CNGB1: variants seen among roughly 807,000 people sequenced by gnomAD.
The protein encoded by CNGB1 is cyclic nucleotide-gated channel beta-1.
CNGB1 carries 126 observed loss-of-function variants against 151.7 expected under a neutral mutation model. That is an observed-to-expected ratio of 0.83 (90% CI 0.72 to 0.96). CNGB1 has a LOEUF of 0.96. CNGB1 is among the 40% of genes least tolerant of loss of function. CNGB1 has a pLI of 0.00. For missense variants in CNGB1, 1,698 were observed against 1,627.0 expected (o/e 1.04, Z -0.75); for synonymous variants, 623 against 635.1 (o/e 0.98, Z 0.29).
At position 57,955,298 on chromosome 16, in the gene CNGB1, T is replaced by A. The variant is rs1487149325; in HGVS notation, c.874+2043A>T. The A allele has an allele frequency of 3.2e-6, 5 of 1,551,548 alleles. No homozygotes were observed. In the African/African-American group the frequency reaches 6.8e-5, roughly 21 times the overall value. On this transcript the variant is annotated intron_variant, in intron 12 of 32. Coordinates refer to ENST00000251102, the MANE Select transcript of CNGB1 (RefSeq NM_001297.5). ...TTCAGGGCATCCTTCTTTCCTTCCA[T>A]CCATGTGTCCATCTGAGCTCTCCCA...
In CNGB1 at chr16:57,931,745, T is replaced by A; in HGVS notation, c.1506A>T (p.Ile502=). Residue 502 remains isoleucine, a synonymous_variant, in exon 17 of 33, where the codon ATA becomes ATT. Coordinates refer to ENST00000251102, the MANE Select transcript of CNGB1 (RefSeq NM_001297.5). ...PPSPAKSDTL[I]VPSSASGTHR... ...GTGTCCCCGAGGCTGAGCTTGGGAC[T>A]ATAAGGGTGTCTGATTTGGCAGGAG... The A allele has an allele frequency of 6.2e-7, 1 of 1,614,078 alleles. No individual in the cohort carries two copies. The highest frequency in any genetic ancestry group is 1.1e-5 in the South Asian group (1 of 91,068).
intron 25 of CNGB1, among the ~76,000 whole-genome samples, chr16:57,906,690 C>T (rs929300402): frequency 1.3e-5 from 2 of 152,220 alleles, no homozygotes; most frequent in African/African-American, 4.8e-5. Flanking sequence ...GCAGACCCCT[C>T]GGCTGTCCGG....
chr16:57,941,117 TA>T (rs1961656767), intron 14 of CNGB1, among the ~76,000 whole-genome samples: 1 of 152,198 alleles, frequency 6.6e-6, no homozygotes, highest in Non-Finnish European at 1.5e-5. Context: ...TAATTCAAAT[TA>T]ATATATCTTT....
Position 57,897,388 on chromosome 16 carries a change from G to C in CNGB1, c.3242+9C>G. 6.2e-7 allele frequency: 1 copy of C among 1,613,104 alleles called. No individual in the cohort carries two copies. Among genetic ancestry groups the C allele is most frequent in the East Asian group, 2.2e-5 (1 of 44,802 alleles). On this transcript the variant is annotated intron_variant, in intron 31 of 32. Transcript: ENST00000251102. The stretch of plus-strand genomic sequence containing the variant: ...CAATTTTTTATTAAACGAAAGAAAA[G>C]TTACATACCTGGCTTTCTTCCGGAG...
At chr16:57,935,472 G>T (rs991862748) in intron 16 of CNGB1, among the ~76,000 whole-genome samples, 3 of 152,116 alleles carry the variant, frequency 2.0e-5, no homozygotes, top group Non-Finnish European at 4.4e-5. Context: ...CTGAGGTCAG[G>T]AGTTCAAGAC....
chr16:57,964,453 C>T (rs773310612), intron 3 of CNGB1, 34 bp downstream of exon 3: 1 of 1,613,054 alleles, frequency 6.2e-7, no homozygotes, highest in Non-Finnish European at 8.5e-7. Context: ...GGCCCCCCTG[C>T]CATGCCAGCC....
chr16:57,911,785 G>A lies in CNGB1; in HGVS notation c.2460C>T (p.Ser820=), dbSNP rs1434557074. 1.9e-6 allele frequency: 3 copies of A among 1,614,116 alleles called. No individual in the cohort carries two copies. Among genetic ancestry groups the A allele is most frequent in the Non-Finnish European group, 2.5e-6 (3 of 1,179,970 alleles). The change falls in exon 25 of 33, where the codon TCC becomes TCT. Residue 820 remains serine (S), a synonymous_variant. Coordinates refer to ENST00000251102, the MANE Select transcript of CNGB1 (RefSeq NM_001297.5). The part of the protein sequence containing the change: ...YWASAYQGLG[S]THWVYDGVGN... ...CCACGCCATCGTAAACCCAGTGAGT[G>A]GAGCCGAGGCCCTGATAGGCCGATG...
chr16:57,925,522 G>C (rs1442218594), intron 17 of CNGB1, among the ~76,000 whole-genome samples: 2 of 152,178 alleles, frequency 1.3e-5, no homozygotes, highest in Admixed American at 6.5e-5. Flanking sequence ...GGCACCTGCT[G>C]TGAAGGTCAG....
At chr16:57,891,176 G>A (rs1248432198) in intron 31 of CNGB1, among the ~76,000 whole-genome samples, 4 of 152,214 alleles carry the variant, frequency 2.6e-5, no homozygotes, top group African/African-American at 9.6e-5. Flanking sequence ...AAGAGAGGGT[G>A]GGGAGACCTG....
rs201515278 is a variant in CNGB1 at position 57,904,914 on chromosome 16, G to A, written c.2493-39C>T. The A allele has an allele frequency of 4.2e-5, 68 of 1,613,590 alleles. No homozygotes were observed. In the African/African-American group the frequency reaches 7.5e-4, roughly 18 times the overall value. On this transcript the variant is annotated intron_variant, in intron 25 of 32. Transcript: ENST00000251102. ...AGAAAGGGAACATGGGTCATCACAG[G>A]CCCCACTCTGCCGCCCCGAGCAGTC...
At chr16:57,907,749 G>A (rs1368139346) in intron 25 of CNGB1, among the ~76,000 whole-genome samples, 2 of 152,176 alleles carry the variant, frequency 1.3e-5, no homozygotes, top group Admixed American at 6.5e-5. Flanking sequence ...TTTAGCCAGG[G>A]CTCAGGAGCA....
chr16:57,925,336 G>T (rs1322246775), intron 17 of CNGB1, among the ~76,000 whole-genome samples: 1 of 152,106 alleles, frequency 6.6e-6, no homozygotes, highest in Non-Finnish European at 1.5e-5. Flanking sequence ...CCAGTCTCGG[G>T]TATTTCTTTA....
At chr16:57,961,120 C>A (rs1250683065) in intron 7 of CNGB1, among the ~76,000 whole-genome samples, 1 of 152,054 alleles carries the variant, frequency 6.6e-6, no homozygotes, top group East Asian at 1.9e-4. Context: ...AGGGCTGGAC[C>A]AGGCTCTGGA....
intron 31 of CNGB1, among the ~76,000 whole-genome samples, chr16:57,890,774 C>T (rs1300429103): frequency 3.9e-5 from 6 of 152,160 alleles, no homozygotes; most frequent in African/African-American, 9.7e-5. Flanking sequence ...CAGATGTCCC[C>T]GGGACTATGG....
At chr16:57,956,750 T>C (rs536161016) in intron 12 of CNGB1, among the ~76,000 whole-genome samples, 1 of 152,298 alleles carries the variant, frequency 6.6e-6, no homozygotes, top group South Asian at 2.1e-4. Flanking sequence ...TGAATGCCTG[T>C]CCACCGCATG....
intron 23 of CNGB1, among the ~76,000 whole-genome samples, chr16:57,914,220 C>T (rs1446326835): frequency 6.6e-6 from 1 of 152,188 alleles, no homozygotes; most frequent in African/African-American, 2.4e-5. Flanking sequence ...ATGGATCTCA[C>T]CTCTGCGTCT....
intron 31 of CNGB1, among the ~76,000 whole-genome samples, chr16:57,891,605 G>A (rs1474868561): frequency 3.9e-5 from 6 of 152,280 alleles, no homozygotes; most frequent in Admixed American, 3.3e-4. Context: ...TGCCCAGGCT[G>A]CATTACAGTG....
At chr16:57,889,632 C>T (rs1960031852) in intron 31 of CNGB1, among the ~76,000 whole-genome samples, 1 of 152,190 alleles carries the variant, frequency 6.6e-6, no homozygotes, top group African/African-American at 2.4e-5. Context: ...TACTGTTATG[C>T]TAATACATAC....
chr16:57,926,187 G>A (rs1240116449), intron 17 of CNGB1, among the ~76,000 whole-genome samples: 1 of 152,184 alleles, frequency 6.6e-6, no homozygotes, highest in East Asian at 1.9e-4. Flanking sequence ...AGGAGCCTCT[G>A]AGAACACACC....
Sources: gnomAD v4.1 joint callset for allele counts (sites outside exome capture counted in the v4.1 genomes callset) on GRCh38, gnomAD v4.1.1 for gene constraint, MANE v1.5 for transcripts, NCBI Gene and HGNC (gene_info 2026-07-23, HGNC 2026-07-21) for gene names.